TNNI3K: variants seen among roughly 807,000 people sequenced by gnomAD.
The protein encoded by TNNI3K is serine/threonine-protein kinase TNNI3K.
Under a neutral mutation model 114.5 loss-of-function variants are expected in TNNI3K, and 140 were observed. The observed-to-expected ratio is 1.22, with a 90% CI of 1.07 to 1.41. The LOEUF is 1.41. Ranked by LOEUF, TNNI3K falls within the 40% of genes most tolerant of loss-of-function variation. The pLI, the probability that TNNI3K is intolerant of heterozygous loss-of-function variation, is 0.00. For missense variants in TNNI3K, 1,125 were observed against 1,007.6 expected, an observed-to-expected ratio of 1.12 and a Z score of -1.58; for synonymous variants, 347 against 347.5, an observed-to-expected ratio of 1.00 and a Z score of 0.02.
In TNNI3K at chr1:74,438,029, A is replaced by ACTAATAAATAAATAAATTAGTG. The variant is rs564828236; in HGVS notation, c.1879-1447_1879-1426dup. ...TAGCCGCATAGTCTTTAAGCACAGC[A>ACTAATAAATAAATAAATTAGTG]CTAATAAATAAATAAATTAGTGCTA... On this transcript the variant is annotated intron_variant, in intron 19 of 24. Transcript: ENST00000326637. 3.4e-3 allele frequency among the ~76,000 whole-genome samples: 515 copies of ACTAATAAATAAATAAATTAGTG among 151,790 alleles called. 3 individuals are homozygous for ACTAATAAATAAATAAATTAGTG. Among genetic ancestry groups the ACTAATAAATAAATAAATTAGTG allele is most frequent in the Middle Eastern group, 0.01 (3 of 294 alleles).
chr1:74,456,906 A>G (rs1173724722), intron 20 of TNNI3K, among the ~76,000 whole-genome samples: 1 of 152,214 alleles, frequency 6.6e-6, no homozygotes, highest in African/African-American at 2.4e-5. Flanking sequence ...ATTTAAAAAT[A>G]TGAATTAAAG....
chr1:74,363,499 C>G (rs1218693442), intron 11 of TNNI3K, among the ~76,000 whole-genome samples: 1 of 151,994 alleles, frequency 6.6e-6, no homozygotes, highest in Non-Finnish European at 1.5e-5. Context: ...GAAATGAAAA[C>G]TGCTCAGAGC....
At chr1:74,514,940 T>C (rs11210471) in intron 23 of TNNI3K, among the ~76,000 whole-genome samples, 12,427 of 151,966 alleles carry the variant, frequency 0.082, 1,126 homozygotes, top group African/African-American at 0.22. Flanking sequence ...CTTGTGTCTT[T>C]ATAAGAAGAG....
intron 23 of TNNI3K, among the ~76,000 whole-genome samples, chr1:74,501,249 A>C (rs1455321715): frequency 6.6e-6 from 1 of 152,132 alleles, no homozygotes; most frequent in African/African-American, 2.4e-5. Context: ...AGCTGGATTT[A>C]ATGTGTTGTT....
At chr1:74,323,312 T>G (rs1039103603) in intron 5 of TNNI3K, among the ~76,000 whole-genome samples, 4 of 152,202 alleles carry the variant, frequency 2.6e-5, no homozygotes, top group African/African-American at 9.7e-5. Flanking sequence ...GAGTTTAAAC[T>G]TAAGTGTTTT....
At chr1:74,392,384 A>G (rs1001543799) in intron 17 of TNNI3K, among the ~76,000 whole-genome samples, 2 of 152,196 alleles carry the variant, frequency 1.3e-5, no homozygotes, top group Non-Finnish European at 2.9e-5. Flanking sequence ...AGCCTGCTGA[A>G]TTACAATAAA....
At chr1:74,347,121 C>T (rs988233220) in intron 9 of TNNI3K, among the ~76,000 whole-genome samples, 3 of 150,702 alleles carry the variant, frequency 2.0e-5, no homozygotes, top group Non-Finnish European at 3.0e-5. Flanking sequence ...TTTATCATTA[C>T]GTATATCTCC....
intron 22 of TNNI3K, among the ~76,000 whole-genome samples, chr1:74,490,460 A>C (rs1557602465): frequency 1.3e-5 from 2 of 152,196 alleles, no homozygotes; most frequent in African/African-American, 4.8e-5. Context: ...TTCCAGAAAA[A>C]AGGAATCCAC....
chr1:74,239,897 T>A, intron 2 of TNNI3K: 2 of 466,458 alleles, frequency 4.3e-6, no homozygotes, highest in Non-Finnish European at 8.9e-6. Flanking sequence ...GGAAATGGAA[T>A]GTTCTTTCAT....
intron 2 of TNNI3K, among the ~76,000 whole-genome samples, chr1:74,239,183 G>T (rs1245933509): frequency 6.6e-6 from 1 of 152,054 alleles, no homozygotes; most frequent in Non-Finnish European, 1.5e-5. Flanking sequence ...AGAATAATCT[G>T]CTTTTGTCTG....
At chr1:74,418,956 G>A (rs1316191494) in intron 17 of TNNI3K, among the ~76,000 whole-genome samples, 1 of 152,076 alleles carries the variant, frequency 6.6e-6, no homozygotes, top group Non-Finnish European at 1.5e-5. Context: ...TGTTTCTGCT[G>A]TTGCTGTTTT....
chr1:74,522,766 TGG>T (rs1439752353), intron 23 of TNNI3K, among the ~76,000 whole-genome samples: 1 of 152,198 alleles, frequency 6.6e-6, no homozygotes, highest in African/African-American at 2.4e-5. Context: ...GGATTAAAAC[TGG>T]TGTATTTCTT....
intron 5 of TNNI3K, among the ~76,000 whole-genome samples, chr1:74,310,318 T>C (rs1430501433): frequency 6.6e-6 from 1 of 152,144 alleles, no homozygotes; most frequent in Non-Finnish European, 1.5e-5. Context: ...AAATAAGTTA[T>C]AGATGACACA....
intron 11 of TNNI3K, among the ~76,000 whole-genome samples, chr1:74,358,696 C>T (rs949264770): frequency 1.3e-5 from 2 of 151,712 alleles, no homozygotes; most frequent in African/African-American, 4.8e-5. Context: ...GTAAGGAATC[C>T]ATGTGTGAAT....
intron 21 of TNNI3K, among the ~76,000 whole-genome samples, chr1:74,473,931 G>C (rs1668060682): frequency 6.6e-6 from 1 of 152,062 alleles, no homozygotes; most frequent in Admixed American, 6.6e-5. Context: ...AAGTCAGAAG[G>C]CATAATCAGA....
At chr1:74,360,086 C>T (rs1661876287) in intron 11 of TNNI3K, among the ~76,000 whole-genome samples, 1 of 151,856 alleles carries the variant, frequency 6.6e-6, no homozygotes, top group Non-Finnish European at 1.5e-5. Flanking sequence ...CATTTTTAAT[C>T]CATCCTTTTT....
At chr1:74,392,028 G>T (rs1303477407) in intron 17 of TNNI3K, among the ~76,000 whole-genome samples, 3 of 144,084 alleles carry the variant, frequency 2.1e-5, no homozygotes, top group Non-Finnish European at 4.5e-5. Flanking sequence ...TGCAGTGGCA[G>T]GATCTTGGCT....
intron 7 of TNNI3K, among the ~76,000 whole-genome samples, chr1:74,338,067 CAT>C (rs1000720456): frequency 3.3e-5 from 5 of 151,932 alleles, no homozygotes; most frequent in African/African-American, 4.8e-5. Context: ...TATAAACACA[CAT>C]ATATATATGA....
intron 6 of TNNI3K, among the ~76,000 whole-genome samples, chr1:74,334,363 G>C (rs986002225): frequency 1.3e-5 from 2 of 152,096 alleles, no homozygotes; most frequent in Non-Finnish European, 2.9e-5. Context: ...GCTGACTCAT[G>C]GGAAGTAAAA....
Sources: gnomAD v4.1 joint callset for allele counts (sites outside exome capture counted in the v4.1 genomes callset) on GRCh38, gnomAD v4.1.1 for gene constraint, MANE v1.5 for transcripts, NCBI Gene and HGNC (gene_info 2026-07-23, HGNC 2026-07-21) for gene names.